Variants in KCNIP1 observed in about 807,000 individuals in gnomAD.
The protein encoded by KCNIP1 is potassium voltage-gated channel interacting protein 1, also known as A-type potassium channel modulatory protein KCNIP1.
Under a neutral mutation model 33.0 loss-of-function variants are expected in KCNIP1, and 18 were observed. The ratio of observed to expected loss-of-function variants is 0.55; its 90% CI spans 0.38 to 0.81. The LOEUF (loss-of-function observed/expected upper bound fraction) is 0.81, where lower values mean the gene tolerates loss of function less well. Among genes scored for constraint, KCNIP1 ranks in the 30% least tolerant of loss-of-function variants. The probability of loss-of-function intolerance (pLI) is 0.00; values close to 1 mark genes in which losing one functional copy is unlikely to be tolerated. For synonymous variants in KCNIP1, 93 were observed against 98.3 expected (o/e 0.95, Z 0.32); for missense variants, 238 against 271.6 (o/e 0.88, Z 0.87).
chr5:170,433,092 T>A (rs753204291), intron 1 of KCNIP1, among the ~76,000 whole-genome samples: 1 of 152,152 alleles, frequency 6.6e-6, no homozygotes, highest in African/African-American at 2.4e-5. Flanking sequence ...CCACCTGAGG[T>A]TCACAAACAC....
chr5:170,604,243 C>T (rs56005199), intron 1 of KCNIP1, among the ~76,000 whole-genome samples: 5 of 151,938 alleles, frequency 3.3e-5, no homozygotes, highest in South Asian at 2.1e-4. Context: ...AGGATTCTTT[C>T]GGTTGCCAGT....
At chr5:170,679,662 T>TGTGTGTG (rs1561760114) in intron 1 of KCNIP1, among the ~76,000 whole-genome samples, 9 of 151,066 alleles carry the variant, frequency 6.0e-5, no homozygotes, top group Non-Finnish European at 8.9e-5. Context: ...TGTGTGTGTG[T>TGTGTGTG]TCCTTTCCAA....
chr5:170,680,926 A>AT (rs1053454180), intron 1 of KCNIP1: 1 of 396,660 alleles, frequency 2.5e-6, no homozygotes, highest in Non-Finnish European at 4.4e-6. Flanking sequence ...AGTGGAAGGA[A>AT]GGGAGGGAGG....
intron 1 of KCNIP1, among the ~76,000 whole-genome samples, chr5:170,455,884 T>C (rs575823025): frequency 4.6e-5 from 7 of 152,348 alleles, no homozygotes; most frequent in African/African-American, 1.4e-4. Flanking sequence ...GTTCAACCAC[T>C]GTGGAAGACA....
At chr5:170,719,029 A>G in intron 2 of KCNIP1, 147 bp downstream of exon 2, 1 of 1,075,716 alleles carries the variant, frequency 9.3e-7, no homozygotes. Context: ...TGAGAGGGAG[A>G]TCACCTGGCT....
intron 1 of KCNIP1, among the ~76,000 whole-genome samples, chr5:170,470,216 T>C (rs763612508): frequency 6.6e-6 from 1 of 152,086 alleles, no homozygotes; most frequent in Non-Finnish European, 1.5e-5. Context: ...GTAAAAGAGC[T>C]CTTCTTCACA....
At chr5:170,413,800 A>G (rs1205404046) in intron 1 of KCNIP1, among the ~76,000 whole-genome samples, 5 of 152,060 alleles carry the variant, frequency 3.3e-5, no homozygotes, top group African/African-American at 1.2e-4. Flanking sequence ...AGAAGGAGCC[A>G]TTGACCCACT....
chr5:170,436,065 A>G (rs1755855549), intron 1 of KCNIP1, among the ~76,000 whole-genome samples: 1 of 152,152 alleles, frequency 6.6e-6, no homozygotes, highest in Non-Finnish European at 1.5e-5. Flanking sequence ...ATGCGTCTTC[A>G]ATCCACCCTA....
intron 1 of KCNIP1, among the ~76,000 whole-genome samples, chr5:170,366,987 T>G (rs1013766797): frequency 3.3e-5 from 5 of 152,178 alleles, no homozygotes; most frequent in Admixed American, 6.5e-5. Flanking sequence ...GGCTGGACTG[T>G]GAACTTGTTG....
chr5:170,468,436 A>G (rs568032209), intron 1 of KCNIP1, among the ~76,000 whole-genome samples: 69 of 152,348 alleles, frequency 4.5e-4, no homozygotes, highest in African/African-American at 1.6e-3. Flanking sequence ...GCTGAATTTC[A>G]AAGCTTATGG....
intron 1 of KCNIP1, among the ~76,000 whole-genome samples, chr5:170,477,709 T>C (rs774883235): frequency 3.3e-5 from 5 of 152,188 alleles, no homozygotes; most frequent in Non-Finnish European, 7.4e-5. Flanking sequence ...CCCAAAGTGC[T>C]GGGATTAGAG....
chr5:170,632,820 T>C (rs1282884181), intron 1 of KCNIP1, among the ~76,000 whole-genome samples: 1 of 152,038 alleles, frequency 6.6e-6, no homozygotes, highest in Non-Finnish European at 1.5e-5. Flanking sequence ...TGAACCTGAG[T>C]TTCTTCATCT....
intron 1 of KCNIP1, among the ~76,000 whole-genome samples, chr5:170,528,542 A>G (rs899739059): frequency 3.3e-5 from 5 of 152,226 alleles, no homozygotes; most frequent in Non-Finnish European, 2.9e-5. Flanking sequence ...CTCCTGAGGG[A>G]TCAAGAAGAT....
intron 1 of KCNIP1, among the ~76,000 whole-genome samples, chr5:170,711,422 T>C (rs1763439688): frequency 1.3e-5 from 2 of 152,220 alleles, no homozygotes; most frequent in South Asian, 4.1e-4. Context: ...CATATCTATA[T>C]TAAAATGCTA....
At chr5:170,382,275 T>C (rs1386372155) in intron 1 of KCNIP1, among the ~76,000 whole-genome samples, 1 of 152,224 alleles carries the variant, frequency 6.6e-6, no homozygotes, top group African/African-American at 2.4e-5. Flanking sequence ...GGGAGCTCCA[T>C]GAATGGATCT....
chr5:170,385,198 C>A (rs552128127), intron 1 of KCNIP1: 42 of 1,148,094 alleles, frequency 3.7e-5, no homozygotes, highest in Non-Finnish European at 5.2e-5. Flanking sequence ...ATCGTCTTGA[C>A]CCTGCTGCCT....
At chr5:170,513,083 C>T (rs1176420400) in intron 1 of KCNIP1, among the ~76,000 whole-genome samples, 1 of 151,980 alleles carries the variant, frequency 6.6e-6, no homozygotes, top group African/African-American at 2.4e-5. Context: ...TCAGTGAGAC[C>T]TACCCAGTCA....
chr5:170,593,573 C>T (rs1758340626), intron 1 of KCNIP1, among the ~76,000 whole-genome samples: 1 of 152,242 alleles, frequency 6.6e-6, no homozygotes, highest in South Asian at 2.1e-4. Context: ...CTATGAATAG[C>T]TTCTTGCTAT....
chr5:170,522,307 C>G (rs924189414), intron 1 of KCNIP1, among the ~76,000 whole-genome samples: 1 of 152,208 alleles, frequency 6.6e-6, no homozygotes, highest in Admixed American at 6.5e-5. Context: ...ATGGTCAGAG[C>G]CTGTTGCCAT....
Sources: gnomAD v4.1 joint callset for allele counts (sites outside exome capture counted in the v4.1 genomes callset) on GRCh38, gnomAD v4.1.1 for gene constraint, MANE v1.5 for transcripts, NCBI Gene and HGNC (gene_info 2026-07-23, HGNC 2026-07-21) for gene names.